The following ARHGAP10 variants were observed in gnomAD, a reference collection of about 807,000 sequenced individuals.
ARHGAP10 encodes rho GTPase-activating protein 10.
In ARHGAP10, 87 loss-of-function variants were observed where a neutral mutation model predicts 108.6. That is an observed-to-expected ratio of 0.80 (90% confidence interval 0.67 to 0.96). The LOEUF is 0.96. ARHGAP10 is among the 40% of genes least tolerant of loss of function. The probability of loss-of-function intolerance (pLI) is 0.00; values close to 1 mark genes in which losing one functional copy is unlikely to be tolerated. For missense variants in ARHGAP10, 939 were observed against 954.5 expected (o/e 0.98, Z 0.21); for synonymous variants, 347 against 341.1 (o/e 1.02, Z -0.19).
Position 147,773,891 on chromosome 4 carries a change from T to C in ARHGAP10, c.154+41436T>C, listed in dbSNP as rs191078697. On this transcript the variant is annotated intron_variant, in intron 1 of 22. Coordinates refer to ENST00000336498, the MANE Select transcript of ARHGAP10 (RefSeq NM_024605.4). ...TTGTCTTTGTTCTTTAGTCCTTGAT[T>C]TGTTGTCAAGTGAAGCTTGAGATAT... 3.3e-5 allele frequency among the ~76,000 whole-genome samples: 5 copies of C among 152,246 alleles called. No homozygotes were observed. In the East Asian group the frequency reaches 9.6e-4, roughly 29 times the overall value.
chr4:147,784,770 A>G (rs200168461), intron 1 of ARHGAP10, among the ~76,000 whole-genome samples: 3,072 of 13,880 alleles, frequency 0.22, 1,110 homozygotes, highest in Middle Eastern at 1. Flanking sequence ...TGTATATTAT[A>G]AATATAATAT....
At chr4:147,890,059 T>G (rs1407536230) in intron 10 of ARHGAP10, among the ~76,000 whole-genome samples, 1 of 152,214 alleles carries the variant, frequency 6.6e-6, no homozygotes, top group Non-Finnish European at 1.5e-5. Context: ...TGTCTGTGGT[T>G]GTAGGGACAT....
At chr4:147,741,983 T>C (rs1333009532) in intron 1 of ARHGAP10, among the ~76,000 whole-genome samples, 1 of 152,092 alleles carries the variant, frequency 6.6e-6, no homozygotes, top group East Asian at 1.9e-4. Context: ...CCAGTGCCAC[T>C]TAATATTTCA....
At chr4:147,873,681 A>AACACACACAC (rs67852364) in intron 7 of ARHGAP10, among the ~76,000 whole-genome samples, 6,975 of 98,656 alleles carry the variant, frequency 0.071, 425 homozygotes, top group Middle Eastern at 0.081. Context: ...CAAAAAACAA[A>AACACACACAC]ACACACACAC....
intron 13 of ARHGAP10, among the ~76,000 whole-genome samples, chr4:147,918,804 A>G (rs950670829): frequency 6.6e-6 from 1 of 152,344 alleles, no homozygotes; most frequent in South Asian, 2.1e-4. Flanking sequence ...CTGAGAATCT[A>G]GTTCTGTCTG....
At chr4:148,019,224 T>C (rs1387355681) in intron 18 of ARHGAP10, among the ~76,000 whole-genome samples, 1 of 152,340 alleles carries the variant, frequency 6.6e-6, no homozygotes, top group Admixed American at 6.5e-5. Context: ...TCCAAGAAAT[T>C]AGTGCCCTCT....
chr4:147,943,355 C>T (rs1220505521), intron 14 of ARHGAP10, among the ~76,000 whole-genome samples: 2 of 152,132 alleles, frequency 1.3e-5, no homozygotes, highest in Admixed American at 6.5e-5. Context: ...ACCTTGTTTC[C>T]TTTGTAGGAC....
At position 147,884,740 on chromosome 4, in the gene ARHGAP10, G is replaced by T. The variant is rs898523309; in HGVS notation, c.1034+2808G>T. On this transcript the variant is annotated intron_variant, in intron 10 of 22. Transcript: ENST00000336498. The stretch of plus-strand genomic sequence containing the variant: ...TGAGTGTCACATGTGGAGGCCTGGA[G>T]ACAGGAGAGAGCATGATGTATTTGA... Among the ~76,000 whole-genome samples the T allele has an allele frequency of 2.6e-4, 39 of 152,222 alleles. 1 individual carries two copies. Among genetic ancestry groups the T allele is most frequent in the Admixed American group, 1.3e-3 (20 of 15,288 alleles).
At chr4:147,820,417 C>T (rs1732436406) in intron 1 of ARHGAP10, among the ~76,000 whole-genome samples, 1 of 151,940 alleles carries the variant, frequency 6.6e-6, no homozygotes, top group South Asian at 2.1e-4. Flanking sequence ...TCCCAAGTAG[C>T]TGGGACTACA....
chr4:147,831,180 G>A (rs1348083299), intron 3 of ARHGAP10, among the ~76,000 whole-genome samples: 2 of 152,210 alleles, frequency 1.3e-5, no homozygotes, highest in Non-Finnish European at 2.9e-5. Flanking sequence ...CCTTTCCTTA[G>A]GGTTAGATCT....
intron 22 of ARHGAP10, among the ~76,000 whole-genome samples, chr4:148,067,995 C>A (rs1729973771): frequency 1.3e-5 from 2 of 151,434 alleles, no homozygotes; most frequent in South Asian, 2.1e-4. Context: ...CGCCCCCCAC[C>A]CTCGGGAGAG....
chr4:147,736,150 G>GTGTC (rs751423268), intron 1 of ARHGAP10, among the ~76,000 whole-genome samples: 3,000 of 152,008 alleles, frequency 0.02, 98 homozygotes, highest in African/African-American at 0.069. Flanking sequence ...GTGTGTGTGT[G>GTGTC]TGTGAAGCTA....
At chr4:147,854,834 C>T (rs1360450487) in intron 4 of ARHGAP10, 5 of 985,298 alleles carry the variant, frequency 5.1e-6, no homozygotes, top group East Asian at 2.3e-4. Context: ...TATTTCTATT[C>T]TAAGCTTGGT....
In ARHGAP10 at chr4:147,750,613, T is replaced by G. The variant is rs193276134; in HGVS notation, c.154+18158T>G. 1.4e-3 allele frequency among the ~76,000 whole-genome samples: 215 copies of G among 151,944 alleles called. 4 individuals are homozygous for G. In the East Asian group the frequency reaches 0.035, roughly 25 times the overall value. The stretch of plus-strand genomic sequence containing the variant: ...ACATATAAAATATCTTTTTTTTTTT[T>G]TGGGGGGGGTTGTAATCTCACTCTG... On this transcript the variant is annotated intron_variant, in intron 1 of 22. Coordinates refer to ENST00000336498, the MANE Select transcript of ARHGAP10 (RefSeq NM_024605.4).
chr4:147,879,612 G>T (rs1735244361), intron 9 of ARHGAP10, among the ~76,000 whole-genome samples: 1 of 151,678 alleles, frequency 6.6e-6, no homozygotes, highest in Non-Finnish European at 1.5e-5. Flanking sequence ...TGTTACATAG[G>T]TATGCATGTG....
At chr4:147,968,712 A>G (rs1246835167) in intron 18 of ARHGAP10, among the ~76,000 whole-genome samples, 1 of 152,218 alleles carries the variant, frequency 6.6e-6, no homozygotes, top group African/African-American at 2.4e-5. Flanking sequence ...CACTTTGCTA[A>G]TAACATTCCT....
At chr4:147,766,405 T>C (rs1560746446) in intron 1 of ARHGAP10, among the ~76,000 whole-genome samples, 1 of 152,016 alleles carries the variant, frequency 6.6e-6, no homozygotes, top group African/African-American at 2.4e-5. Context: ...TGTAAATAGT[T>C]ATATTGTATT....
intron 1 of ARHGAP10, among the ~76,000 whole-genome samples, chr4:147,819,783 T>C (rs1732407956): frequency 6.6e-6 from 1 of 152,166 alleles, no homozygotes. Context: ...GGTCTTGAAC[T>C]CCTGACCTTA....
chr4:147,776,601 C>G (rs1483717161), intron 1 of ARHGAP10, among the ~76,000 whole-genome samples: 2 of 152,130 alleles, frequency 1.3e-5, no homozygotes, highest in Non-Finnish European at 2.9e-5. Context: ...GGGGCTCCCC[C>G]AAGACAGCAA....
Sources: gnomAD v4.1 joint callset for allele counts (sites outside exome capture counted in the v4.1 genomes callset) on GRCh38, gnomAD v4.1.1 for gene constraint, MANE v1.5 for transcripts, NCBI Gene and HGNC (gene_info 2026-07-23, HGNC 2026-07-21) for gene names.